TAF7L: variants seen among roughly 807,000 people sequenced by gnomAD.
TAF7L encodes transcription initiation factor TFIID subunit 7-like.
Under a neutral mutation model 30.2 loss-of-function variants are expected in TAF7L, and 6 were observed. The observed-to-expected ratio is 0.20, with a 90% CI of 0.11 to 0.39. The LOEUF (loss-of-function observed/expected upper bound fraction) is 0.39. Ranked by LOEUF, TAF7L falls within the 10% of genes least tolerant of loss-of-function variation. The pLI, the probability that TAF7L is intolerant of heterozygous loss-of-function variation, is 1.00. For synonymous variants in TAF7L, 93 were observed against 94.5 expected, an observed-to-expected ratio of 0.98 and a Z score of 0.09; for missense variants, 284 against 277.1, an observed-to-expected ratio of 1.03 and a Z score of -0.18.
chrX:101,277,451 C>CAAAAAAAAA (rs368056727), intron 9 of TAF7L, among the ~76,000 whole-genome samples, 155 bp downstream of exon 9: 6,357 of 40,072 alleles, frequency 0.16, 546 homozygotes, highest in Non-Finnish European at 0.2. Context: ...GACTCCATCT[C>CAAAAAAAAA]AAAAAAAAAA....
At chrX:101,289,280 T>C (rs1281617505) in intron 1 of TAF7L, among the ~76,000 whole-genome samples, 1 of 112,008 alleles carries the variant, frequency 8.9e-6, no homozygotes, top group African/African-American at 3.2e-5. Flanking sequence ...ATACCACATA[T>C]TTATCCATTC....
chrX:101,288,006 C>T (rs1924667105), intron 1 of TAF7L, among the ~76,000 whole-genome samples: 1 of 111,735 alleles, frequency 8.9e-6, no homozygotes, highest in African/African-American at 3.3e-5. Flanking sequence ...TAAACAAGGG[C>T]TTGATTTTCA....
chrX:101,283,598 A>C lies in TAF7L; in HGVS notation c.146-15T>G. 1 of 1,208,772 alleles carries C rather than the reference A, an allele frequency of 8.3e-7. No homozygotes were observed. Among genetic ancestry groups the C allele is most frequent in the South Asian group, 1.8e-5 (1 of 56,143 alleles). On this transcript the variant is annotated splice_polypyrimidine_tract_variant and intron_variant, in intron 3 of 12. Coordinates refer to ENST00000356784, the MANE Select transcript of TAF7L (RefSeq NM_001168474.2). ...GCGCCCATCAGCTGAAGAGAAGTAA[A>C]GATTAAAGTTGATATCTTCCCAGTG...
intron 12 of TAF7L, among the ~76,000 whole-genome samples, chrX:101,270,727 G>A (rs900476207): frequency 4.5e-5 from 5 of 111,158 alleles, no homozygotes; most frequent in African/African-American, 6.5e-5. Context: ...CCAATCAATT[G>A]TTAAGCTCTG....
chrX:101,276,328 T>C lies in TAF7L; in HGVS notation c.892A>G (p.Asn298Asp). ...EFIESGQYRANEGTSSIVMEI... is the reference protein window; with the variant it reads ...EFIESGQYRADEGTSSIVMEI... ...TTACCTATTGAACTGGTACCTTCAT[T>C]TGCCCTATACTGGCCAGATTCAATA... The change falls in exon 10 of 13, where the codon AAT becomes GAT. Residue 298 changes from asparagine to aspartate, a missense_variant. Asn to Asp is a conservative substitution (Grantham distance 23). Coordinates refer to ENST00000356784, the MANE Select transcript of TAF7L (RefSeq NM_001168474.2). 8.3e-7 allele frequency: 1 copy of C among 1,211,324 alleles called. No individual in the cohort carries two copies. The highest frequency in any genetic ancestry group is 3.0e-5 in the East Asian group (1 of 33,820).
intron 6 of TAF7L, among the ~76,000 whole-genome samples, chrX:101,280,606 A>T (rs1391057688): frequency 8.9e-6 from 1 of 111,969 alleles, no homozygotes; most frequent in Non-Finnish European, 1.9e-5. Flanking sequence ...CTACCATATG[A>T]CCCAGCAATT....
chrX:101,286,192 A>AAAAAAG (rs1351179470), intron 3 of TAF7L, among the ~76,000 whole-genome samples: 3 of 106,252 alleles, frequency 2.8e-5, no homozygotes, highest in African/African-American at 7.0e-5. Flanking sequence ...AAAAAAAAAA[A>AAAAAAG]AAAGAAAGAA....
At chrX:101,291,421 G>A (rs180827095), upstream of TAF7L, 7 of 320,859 alleles carry the variant, frequency 2.2e-5, no homozygotes, top group East Asian at 6.6e-4. Context: ...GCTGCCCAGC[G>A]GACTGGAGCA....
chrX:101,269,361 TA>T (rs1923895487), intron 12 of TAF7L, 124 bp from the exon 13 acceptor site: 1 of 607,985 alleles, frequency 1.6e-6, no homozygotes, highest in African/African-American at 2.2e-5. Context: ...AAGGTTATCT[TA>T]GTCTTGCAAT....
Position 101,291,247 on chromosome X carries a change from G to C in TAF7L, c.-26C>G, listed in dbSNP as rs992595373. The C allele has an allele frequency of 2.7e-6, 2 of 752,469 alleles. No homozygotes were observed. Among genetic ancestry groups the C allele is most frequent in the African/African-American group, 4.6e-5 (2 of 43,355 alleles). The allele number at this position is 752,469 out of a possible 1,213,427, so 62.0% of individuals were successfully genotyped here. ...ACCCGCTCCTCCGGGAACTGGCGCCGACACCGAAAAGGCTGGGACCTGCGT... is the reference window on the plus strand; with the variant it reads ...ACCCGCTCCTCCGGGAACTGGCGCCCACACCGAAAAGGCTGGGACCTGCGT... On this transcript the variant is annotated 5_prime_UTR_variant, in exon 1 of 13. Coordinates refer to ENST00000356784, the MANE Select transcript of TAF7L (RefSeq NM_001168474.2).
intron 9 of TAF7L, among the ~76,000 whole-genome samples, chrX:101,276,955 C>T (rs1323966642): frequency 3.0e-5 from 3 of 99,751 alleles, no homozygotes; most frequent in Admixed American, 1.1e-4. Flanking sequence ...CATGGCAAAA[C>T]CCCATCTCTA....
chrX:101,270,710 T>C (rs11092297), intron 12 of TAF7L, among the ~76,000 whole-genome samples: 37,862 of 110,325 alleles, frequency 0.34, 4,779 homozygotes, highest in Middle Eastern at 0.38. Context: ...CTTTTTGCCC[T>C]GTAAATCCAA....
At position 101,277,617 on chromosome X, in the gene TAF7L, T is replaced by A. The variant is rs200638032; in HGVS notation, c.680A>T (p.His227Leu). 1 of 1,185,680 alleles carries A rather than the reference T, an allele frequency of 8.4e-7. No individual in the cohort carries two copies. Among genetic ancestry groups the A allele is most frequent in the East Asian group, 3.0e-5 (1 of 32,957 alleles). ...CTTTACTAAAGTACCTGACGAGGTATGACCCTGCTTGTGGCTGCTCATTCC... is the reference window on the plus strand; with the variant it reads ...CTTTACTAAAGTACCTGACGAGGTAAGACCCTGCTTGTGGCTGCTCATTCC... ...SSGMSSHKQG[H>L]TSSEYDMLRE... Residue 227 changes from histidine (H) to leucine (L), a missense_variant, in exon 9 of 13, where the codon CAT becomes CTT. Coordinates refer to ENST00000356784, the MANE Select transcript of TAF7L (RefSeq NM_001168474.2).
At chrX:101,290,947 GT>G (rs1924774343) in intron 1 of TAF7L, among the ~76,000 whole-genome samples, 1 of 111,703 alleles carries the variant, frequency 9.0e-6, no homozygotes, top group Admixed American at 9.5e-5. Flanking sequence ...CTAAATGGGT[GT>G]TTTTTCAAGT....
At chrX:101,286,693 A>C (rs1467641694) in intron 2 of TAF7L, 40 bp from the exon 3 acceptor site, 1 of 1,037,440 alleles carries the variant, frequency 9.6e-7, no homozygotes. Context: ...AGAACTAAAC[A>C]TCTACTTGGC....
chrX:101,285,273 A>C (rs1288692750), intron 3 of TAF7L, among the ~76,000 whole-genome samples: 1 of 110,604 alleles, frequency 9.0e-6, no homozygotes. Context: ...AGGTGGGTGG[A>C]TCACTCGAGG....
At chrX:101,275,785 A>G (rs1924144044) in intron 11 of TAF7L, among the ~76,000 whole-genome samples, 1 of 111,742 alleles carries the variant, frequency 8.9e-6, no homozygotes, top group Admixed American at 9.5e-5. Flanking sequence ...TTTTTATCTC[A>G]TATCACCTAG....
intron 12 of TAF7L, among the ~76,000 whole-genome samples, chrX:101,270,046 A>G (rs967115458): frequency 5.4e-5 from 6 of 111,161 alleles, no homozygotes; most frequent in South Asian, 3.9e-4. Flanking sequence ...ACATTAGGAG[A>G]TACTTAGAAA....
chrX:101,283,612 A>G (rs984281643), intron 3 of TAF7L, 29 bp from the exon 4 acceptor site: 9 of 1,204,520 alleles, frequency 7.5e-6, no homozygotes, highest in African/African-American at 5.2e-5. Flanking sequence ...TAAAGTTGAT[A>G]TCTTCCCAGT....
Sources: gnomAD v4.1 joint callset for allele counts (sites outside exome capture counted in the v4.1 genomes callset) on GRCh38, gnomAD v4.1.1 for gene constraint, MANE v1.5 for transcripts, NCBI Gene and HGNC (gene_info 2026-07-23, HGNC 2026-07-21) for gene names.